MYO9B: variants seen among roughly 807,000 people sequenced by gnomAD.
MYO9B encodes the protein unconventional myosin-IXb.
Under a neutral mutation model 229.5 loss-of-function variants are expected in MYO9B, and 71 were observed. The ratio of observed to expected loss-of-function variants is 0.31; its 90% confidence interval spans 0.26 to 0.38. The LOEUF is 0.38. Among genes scored for constraint, MYO9B ranks in the 10% least tolerant of loss-of-function variants. The pLI, the probability that MYO9B is intolerant of heterozygous loss-of-function variation, is 1.00. For missense variants in MYO9B, 2,255 were observed against 2,920.5 expected, an observed-to-expected ratio of 0.77 and a Z score of 5.25; for synonymous variants, 1,185 against 1,235.8, an observed-to-expected ratio of 0.96 and a Z score of 0.86.
intron 1 of MYO9B, among the ~76,000 whole-genome samples, chr19:17,091,399 A>G (rs2057636650): frequency 6.6e-6 from 1 of 152,018 alleles, no homozygotes; most frequent in African/African-American, 2.4e-5. Context: ...CTAATTTTTT[A>G]ATTTTTTATA....
chr19:17,210,972 C>T lies in MYO9B; in HGVS notation c.5930+124C>T, dbSNP rs971715596. Reference sequence around the variant, plus strand: ...CCTGTCATCCCTAACACTGGGCAAACAACACTTTTTTTTTTTTTTTTTTTT... The same window carrying T: ...CCTGTCATCCCTAACACTGGGCAAATAACACTTTTTTTTTTTTTTTTTTTT... On this transcript the variant is annotated intron_variant, in intron 38 of 39. Coordinates refer to ENST00000682292, the MANE Select transcript of MYO9B (RefSeq NM_004145.4). 6.8e-3 allele frequency: 3,235 copies of T among 478,514 alleles called. 16 individuals are homozygous for T. The highest frequency in any genetic ancestry group is 9.0e-3 in the Non-Finnish European group (2,659 of 294,930). 29.6% of individuals were successfully genotyped at this position (478,514 alleles called of 1,614,324 possible). A position where few individuals can be genotyped will look rare whatever the true frequency, so the allele number is the denominator to read the frequency against.
intron 1 of MYO9B, among the ~76,000 whole-genome samples, chr19:17,081,547 G>A (rs1307879743): frequency 2.6e-5 from 4 of 151,994 alleles, no homozygotes; most frequent in African/African-American, 7.2e-5. Context: ...AGTGGCTTAC[G>A]CCTGTAATCC....
chr19:17,208,330 C>G (rs2073185948), intron 35 of MYO9B, among the ~76,000 whole-genome samples: 1 of 95,484 alleles, frequency 1.0e-5, no homozygotes, highest in East Asian at 3.5e-4. Context: ...CAGAGCGAGA[C>G]TCCGTCTCAA....
chr19:17,082,167 G>C (rs1428949773), intron 1 of MYO9B, among the ~76,000 whole-genome samples: 2 of 152,210 alleles, frequency 1.3e-5, no homozygotes, highest in African/African-American at 4.8e-5. Context: ...TGGGGAGACT[G>C]AGGAGAACAG....
Position 17,212,493 on chromosome 19 carries a change from G to T in MYO9B, c.*183G>T, listed in dbSNP as rs2073243106. ...GGCAGGGAGAGGCCGGCTGGAGCCA[G>T]GCCCCCTCGCACGCAGCCCCCAAAT... On this transcript the variant is annotated 3_prime_UTR_variant, in exon 40 of 40. Coordinates refer to ENST00000682292, the MANE Select transcript of MYO9B (RefSeq NM_004145.4). The surrounding 1 kb of genome is among the most constrained non-coding windows in gnomAD (Gnocchi z 5.4). 1 of 668,882 alleles carries T rather than the reference G, an allele frequency of 1.5e-6. No homozygotes were observed. The highest frequency in any genetic ancestry group is 3.7e-5 in the Admixed American group (1 of 26,774). The allele number at this position is 668,882 out of a possible 1,614,324, so 41.4% of individuals were successfully genotyped here.
intron 1 of MYO9B, among the ~76,000 whole-genome samples, chr19:17,076,536 T>G (rs2057485976): frequency 6.6e-6 from 1 of 151,468 alleles, no homozygotes; most frequent in Non-Finnish European, 1.5e-5. Flanking sequence ...GGGGTTAGAG[T>G]GGCCCCGTGC....
At chr19:17,164,854 G>T (rs2072642041) in intron 10 of MYO9B, among the ~76,000 whole-genome samples, 1 of 152,178 alleles carries the variant, frequency 6.6e-6, no homozygotes, top group African/African-American at 2.4e-5. Context: ...TCAGAATTAA[G>T]TTGTGCAGGA....
At position 17,172,659 on chromosome 19, in the gene MYO9B, C is replaced by T; in HGVS notation, c.1936-100C>T. 6.7e-7 allele frequency: 1 copy of T among 1,497,242 alleles called. No individual in the cohort carries two copies. Among genetic ancestry groups the T allele is most frequent in the Non-Finnish European group, 9.2e-7 (1 of 1,085,130 alleles). 92.7% of individuals were successfully genotyped at this position (1,497,242 alleles called of 1,614,324 possible). On this transcript the variant is annotated intron_variant, in intron 12 of 39. Transcript: ENST00000682292. This position sits in a 1 kb window ranked among gnomAD's most constrained non-coding sequence, Gnocchi z 8.2. ...ACTGCCATTTGCACTTAGGATGGGCCCCACCCCACCGTCAGCCCTTCCTGC... is the reference window on the plus strand; with the variant it reads ...ACTGCCATTTGCACTTAGGATGGGCTCCACCCCACCGTCAGCCCTTCCTGC...
intron 3 of MYO9B, among the ~76,000 whole-genome samples, chr19:17,150,578 G>A (rs771869758): frequency 1.4e-5 from 2 of 142,444 alleles, no homozygotes; most frequent in African/African-American, 2.4e-5. Context: ...GAGCTCACAT[G>A]TCTGGTGATG....
chr19:17,208,501 G>A (rs1045754153), intron 35 of MYO9B, among the ~76,000 whole-genome samples: 5 of 150,458 alleles, frequency 3.3e-5, no homozygotes, highest in African/African-American at 1.2e-4. Flanking sequence ...GCACGATCTC[G>A]GCTCACTGCA....
At chr19:17,090,238 G>A (rs1299558682) in intron 1 of MYO9B, among the ~76,000 whole-genome samples, 1 of 137,498 alleles carries the variant, frequency 7.3e-6, no homozygotes, top group Non-Finnish European at 1.5e-5. Context: ...CTGCCTCCCA[G>A]GCCCAAGCCA....
At chr19:17,088,876 A>AT (rs1407754529) in intron 1 of MYO9B, among the ~76,000 whole-genome samples, 1 of 151,808 alleles carries the variant, frequency 6.6e-6, no homozygotes, top group Non-Finnish European at 1.5e-5. Context: ...TTTTTGTAGA[A>AT]TTGGGGGGTC....
At chr19:17,194,486 A>C (rs980199306) in intron 21 of MYO9B, 70 bp from the exon 22 acceptor site, 17 of 1,544,838 alleles carry the variant, frequency 1.1e-5, no homozygotes, top group Non-Finnish European at 1.5e-5. Flanking sequence ...TGGGGGTCCC[A>C]TCGGAACTCA....
chr19:17,095,774 T>G (rs1018235730), intron 1 of MYO9B: 4 of 152,184 alleles, frequency 2.6e-5, no homozygotes, highest in African/African-American at 9.7e-5. Flanking sequence ...GGCTTCTTCT[T>G]TTTTTTGAGA....
intron 1 of MYO9B, among the ~76,000 whole-genome samples, chr19:17,088,547 C>T (rs959037247): frequency 2.4e-4 from 36 of 152,220 alleles, no homozygotes; most frequent in African/African-American, 8.4e-4. Flanking sequence ...ACCCCTAGGA[C>T]CTGGCCCCTT....
chr19:17,172,297 G>T lies in MYO9B; in HGVS notation c.1794-39G>T. 1.8e-5 allele frequency: 28 copies of T among 1,593,890 alleles called. No homozygotes were observed. The highest frequency in any genetic ancestry group is 2.4e-5 in the Non-Finnish European group (28 of 1,167,430). On this transcript the variant is annotated intron_variant, in intron 11 of 39. Coordinates refer to ENST00000682292, the MANE Select transcript of MYO9B (RefSeq NM_004145.4). The surrounding 1 kb of genome is among the most constrained non-coding windows in gnomAD (Gnocchi z 8.2). ...AAAATACACAGCAGGTAAATCAGCCGCTGTTCATGCCTGCAAAGGTTCCAT... is the reference window on the plus strand; with the variant it reads ...AAAATACACAGCAGGTAAATCAGCCTCTGTTCATGCCTGCAAAGGTTCCAT...
In MYO9B at chr19:17,212,502, G is replaced by A. The variant is rs900994482; in HGVS notation, c.*192G>A. 18 of 593,296 alleles carry A rather than the reference G, an allele frequency of 3.0e-5. No homozygotes were observed. Among genetic ancestry groups the A allele is most frequent in the African/African-American group, 1.4e-4 (7 of 51,700 alleles). 36.8% of individuals were successfully genotyped at this position (593,296 alleles called of 1,614,324 possible). On this transcript the variant is annotated 3_prime_UTR_variant, in exon 40 of 40. Coordinates refer to ENST00000682292, the MANE Select transcript of MYO9B (RefSeq NM_004145.4). The surrounding 1 kb of genome is among the most constrained non-coding windows in gnomAD (Gnocchi z 5.4). ...AGGCCGGCTGGAGCCAGGCCCCCTC[G>A]CACGCAGCCCCCAAATCATGGACGC...
chr19:17,086,792 A>G (rs1019000901), intron 1 of MYO9B, among the ~76,000 whole-genome samples: 2 of 152,104 alleles, frequency 1.3e-5, no homozygotes, highest in Admixed American at 6.6e-5. Context: ...AGGCACGAGA[A>G]TCACTTGAAC....
chr19:17,153,116 CAG>C (rs2072497134), intron 4 of MYO9B, among the ~76,000 whole-genome samples: 1 of 151,990 alleles, frequency 6.6e-6, no homozygotes, highest in African/African-American at 2.4e-5. Flanking sequence ...GCCTGGGCAA[CAG>C]AGCAAGTCCT....
Sources: allele counts gnomAD v4.1 joint callset (sites outside exome capture counted in the v4.1 genomes callset), GRCh38; gene constraint gnomAD v4.1.1; non-coding constraint Gnocchi (gnomAD v3.1); transcripts MANE v1.5; gene names NCBI Gene and HGNC (gene_info 2026-07-23, HGNC 2026-07-21).